The following ZDHHC14 variants were observed in gnomAD, a reference collection of about 807,000 sequenced individuals.
The protein encoded by ZDHHC14 is zDHHC palmitoyltransferase 14.
Under a neutral mutation model 47.7 loss-of-function variants are expected in ZDHHC14, and 16 were observed. That is an observed-to-expected ratio of 0.34 (90% CI 0.23 to 0.51). ZDHHC14 has a LOEUF of 0.51. Ranked by LOEUF, ZDHHC14 falls within the 20% of genes least tolerant of loss-of-function variation. The pLI is 0.97. For missense variants in ZDHHC14, 515 were observed against 662.5 expected, an observed-to-expected ratio of 0.78 and a Z score of 2.44; for synonymous variants, 293 against 278.9, an observed-to-expected ratio of 1.05 and a Z score of -0.50.
chr6:157,398,135 G>T (rs1288622997), intron 1 of ZDHHC14, among the ~76,000 whole-genome samples: 3 of 151,646 alleles, frequency 2.0e-5, no homozygotes, highest in African/African-American at 7.3e-5. Flanking sequence ...TTGGGGCAGA[G>T]GAGACAGAGT....
intron 2 of ZDHHC14, among the ~76,000 whole-genome samples, chr6:157,564,411 A>C (rs957324768): frequency 6.6e-6 from 1 of 152,198 alleles, no homozygotes; most frequent in Non-Finnish European, 1.5e-5. Context: ...AAAGAATTAT[A>C]GGTATTTAGG....
rs916573721 is a variant in ZDHHC14 at position 157,669,923 on chromosome 6, T to C, written c.1069-2801T>C. 2.0e-5 allele frequency among the ~76,000 whole-genome samples: 3 copies of C among 152,238 alleles called. No homozygotes were observed. In the East Asian group the frequency reaches 5.8e-4, roughly 29 times the overall value. The stretch of plus-strand genomic sequence containing the variant: ...TGTCAGTAAGAATACGAAACGGTGA[T>C]GTTCATAAAACATTCTTTGCAAAGC... On this transcript the variant is annotated intron_variant, in intron 8 of 8. Transcript: ENST00000359775.
intron 2 of ZDHHC14, among the ~76,000 whole-genome samples, chr6:157,559,906 C>G (rs944522184): frequency 1.1e-4 from 17 of 152,222 alleles, no homozygotes; most frequent in African/African-American, 4.1e-4. Flanking sequence ...CCCCCATGGA[C>G]AGGGCTGCAG....
chr6:157,527,444 G>C (rs958717143), intron 1 of ZDHHC14, among the ~76,000 whole-genome samples: 1 of 152,172 alleles, frequency 6.6e-6, no homozygotes, highest in Admixed American at 6.5e-5. Flanking sequence ...TGCAGAGCTT[G>C]CTCTTATAGT....
chr6:157,661,138 G>A (rs1778327852), intron 8 of ZDHHC14, among the ~76,000 whole-genome samples: 1 of 151,936 alleles, frequency 6.6e-6, no homozygotes, highest in African/African-American at 2.4e-5. Flanking sequence ...CAAGTTGGGG[G>A]AAGTTGACTT....
chr6:157,451,275 G>C (rs1778797337), intron 1 of ZDHHC14, among the ~76,000 whole-genome samples: 1 of 152,188 alleles, frequency 6.6e-6, no homozygotes, highest in Non-Finnish European at 1.5e-5. Flanking sequence ...TTGGAGAAGT[G>C]GCAAATGGAA....
rs34988240 is a variant in ZDHHC14 at position 157,511,547 on chromosome 6, C to CT, written c.246-31020dup. Among the ~76,000 whole-genome samples the CT allele has an allele frequency of 6.9e-3, 796 of 114,866 alleles. 21 individuals are homozygous for CT. The highest frequency in any genetic ancestry group is 0.019 in the African/African-American group (511 of 26,716). The allele number at this position is 114,866 out of a possible 152,430, so 75.4% of individuals were successfully genotyped here. On this transcript the variant is annotated intron_variant, in intron 1 of 8. Transcript: ENST00000359775. ...AGGCATGCGCCACGAAGCCCGGGTA[C>CT]TTTTTTTTTTTTTTTTTTGTATTTT... is the stretch of plus-strand genomic sequence containing the variant.
At chr6:157,603,858 G>A (rs554038657) in intron 3 of ZDHHC14, among the ~76,000 whole-genome samples, 102 of 152,280 alleles carry the variant, frequency 6.7e-4, no homozygotes, top group Non-Finnish European at 1.1e-3. Flanking sequence ...TGCCTGTGGC[G>A]AAGACTCCAT....
At chr6:157,648,649 C>T (rs894566063) in intron 7 of ZDHHC14, among the ~76,000 whole-genome samples, 4 of 152,164 alleles carry the variant, frequency 2.6e-5, no homozygotes, top group Non-Finnish European at 4.4e-5. Flanking sequence ...AAAGGGCAGG[C>T]GAGGATCCTG....
intron 6 of ZDHHC14, among the ~76,000 whole-genome samples, chr6:157,646,567 A>G (rs1045038195): frequency 1.3e-5 from 2 of 150,654 alleles, no homozygotes. Context: ...GAGCTGAGAT[A>G]GCGCCACTGC....
At chr6:157,467,933 TG>T (rs371609897) in intron 1 of ZDHHC14, among the ~76,000 whole-genome samples, 10 of 152,232 alleles carry the variant, frequency 6.6e-5, no homozygotes, top group African/African-American at 2.2e-4. Context: ...GGTTCCACTT[TG>T]GGGTTCCTAT....
chr6:157,552,122 TG>T lies in ZDHHC14; in HGVS notation c.406+9378del, dbSNP rs544037336. Among the ~76,000 whole-genome samples the T allele has an allele frequency of 1.1e-3, 175 of 152,276 alleles. 2 individuals carry two copies. The highest frequency in any genetic ancestry group is 5.6e-3 in the South Asian group (27 of 4,830). On this transcript the variant is annotated intron_variant, in intron 2 of 8. Coordinates refer to ENST00000359775, the MANE Select transcript of ZDHHC14 (RefSeq NM_024630.3). The stretch of plus-strand genomic sequence containing the variant: ...AAATGCAAAGCTCCGTGCACACCCA[TG>T]TAAATTCAACAAGCAAACTGTAGGT...
chr6:157,491,270 C>A (rs1351558817), intron 1 of ZDHHC14, among the ~76,000 whole-genome samples: 1 of 152,222 alleles, frequency 6.6e-6, no homozygotes, highest in African/African-American at 2.4e-5. Flanking sequence ...CAACACCTAT[C>A]CTTTCCCTTT....
chr6:157,615,143 C>G (rs1784916353), intron 3 of ZDHHC14, among the ~76,000 whole-genome samples: 1 of 152,200 alleles, frequency 6.6e-6, no homozygotes. Context: ...ATAGCCGGTC[C>G]TAACTGGTAG....
intron 1 of ZDHHC14, among the ~76,000 whole-genome samples, chr6:157,414,012 C>T (rs1777922951): frequency 6.6e-6 from 1 of 152,124 alleles, no homozygotes; most frequent in Non-Finnish European, 1.5e-5. Context: ...TTTTGGCTCA[C>T]CATAACCTCC....
At chr6:157,656,316 C>G (rs1374472024) in intron 8 of ZDHHC14, among the ~76,000 whole-genome samples, 1 of 151,380 alleles carries the variant, frequency 6.6e-6, no homozygotes, top group Non-Finnish European at 1.5e-5. Flanking sequence ...CCTTGTCACT[C>G]AATTCAGTGT....
chr6:157,562,949 G>T (rs905525637), intron 2 of ZDHHC14, among the ~76,000 whole-genome samples: 1 of 151,896 alleles, frequency 6.6e-6, no homozygotes, highest in African/African-American at 2.4e-5. Flanking sequence ...CCCCTGCCCT[G>T]CAAGAGCTGT....
At chr6:157,622,287 G>A (rs922832926) in intron 3 of ZDHHC14, among the ~76,000 whole-genome samples, 2 of 151,920 alleles carry the variant, frequency 1.3e-5, no homozygotes, top group Non-Finnish European at 1.5e-5. Flanking sequence ...CCACTCGGGA[G>A]GCTGAGGCAG....
chr6:157,388,242 G>T (rs184053127), intron 1 of ZDHHC14, among the ~76,000 whole-genome samples: 4 of 151,978 alleles, frequency 2.6e-5, no homozygotes, highest in East Asian at 3.9e-4. Context: ...AACTCTGAAG[G>T]ATACTATTGA....
Sources: allele counts gnomAD v4.1 joint callset (sites outside exome capture counted in the v4.1 genomes callset), GRCh38; gene constraint gnomAD v4.1.1; transcripts MANE v1.5; gene names NCBI Gene and HGNC (gene_info 2026-07-23, HGNC 2026-07-21).